DCAF6: variants seen among roughly 807,000 people sequenced by gnomAD.
DCAF6 encodes the protein DDB1- and CUL4-associated factor 6.
A neutral mutation model predicts 125.1 loss-of-function variants in DCAF6; 54 were observed. The ratio of observed to expected loss-of-function variants is 0.43; its 90% confidence interval spans 0.35 to 0.54. DCAF6 has a LOEUF of 0.54. Ranked by LOEUF, DCAF6 falls within the 20% of genes least tolerant of loss-of-function variation. DCAF6 has a pLI of 0.01. For missense variants in DCAF6, 934 were observed against 1,161.7 expected, an observed-to-expected ratio of 0.80 and a Z score of 2.85; for synonymous variants, 371 against 390.4, an observed-to-expected ratio of 0.95 and a Z score of 0.58.
At chr1:168,037,125 A>G (rs1321538107) in intron 12 of DCAF6, among the ~76,000 whole-genome samples, 2 of 121,980 alleles carry the variant, frequency 1.6e-5, no homozygotes, top group Admixed American at 1.8e-4. Context: ...TTTTTTTGAG[A>G]TGAGGTCTCA....
In DCAF6 at chr1:167,975,025, TATTATG is replaced by T; in HGVS notation, c.438+16_438+21del. On this transcript the variant is annotated intron_variant, in intron 4 of 21. Coordinates refer to ENST00000367840, the MANE Select transcript of DCAF6 (RefSeq NM_001198956.2). ...TGGAACTACTTATGAGGTATGGTAT[TATTATG>T]ATTATATGATATATATGTAAGTATG... 2 of 1,533,212 alleles carry T rather than the reference TATTATG, an allele frequency of 1.3e-6. No homozygotes were observed. The highest frequency in any genetic ancestry group is 4.0e-5 in the Admixed American group (2 of 50,354). The allele number at this position is 1,533,212 out of a possible 1,614,324, so 95.0% of individuals were successfully genotyped here.
intron 4 of DCAF6, among the ~76,000 whole-genome samples, chr1:167,976,785 T>C (rs541138507): frequency 6.6e-6 from 1 of 152,154 alleles, no homozygotes; most frequent in African/African-American, 2.4e-5. Flanking sequence ...TTTGTTTAGA[T>C]TTACCTGCAT....
chr1:167,987,679 A>C (rs1247167437), intron 5 of DCAF6, 71 bp downstream of exon 5: 4 of 771,340 alleles, frequency 5.2e-6, no homozygotes, highest in Non-Finnish European at 8.7e-6. Flanking sequence ...TTATAATTAA[A>C]GTTATAATTA....
the DCAF6 span, chr1:167,880,311 C>A: frequency 9.4e-7 from 1 of 1,066,550 alleles, no homozygotes; most frequent in Non-Finnish European, 1.4e-6. Flanking sequence ...TTTCTCTACC[C>A]GTTGGAATTA....
Position 167,984,666 on chromosome 1 carries a change from T to G in DCAF6, c.439-2829T>G, listed in dbSNP as rs142477093. Among the ~76,000 whole-genome samples the G allele has an allele frequency of 1.1e-3, 164 of 152,346 alleles. 2 individuals carry two copies. The East Asian group carries it at 0.026, about 24-fold the overall frequency. ...AATACTAATTACATTTTCACAAATA[T>G]GAAATGAGTAAAAATTCTCATTTTC... On this transcript the variant is annotated intron_variant, in intron 4 of 21. Transcript: ENST00000367840.
At chr1:167,866,744 T>C in the DCAF6 span, among the ~76,000 whole-genome samples, 25 of 126,812 alleles carry the variant, frequency 2.0e-4, no homozygotes, top group African/African-American at 8.8e-4. Flanking sequence ...ATAAAGAAAG[T>C]TCACTTAAAA....
At chr1:168,018,837 A>G (rs1035086697) in intron 11 of DCAF6, among the ~76,000 whole-genome samples, 2 of 152,108 alleles carry the variant, frequency 1.3e-5, no homozygotes, top group African/African-American at 4.8e-5. Flanking sequence ...TGGGAATTAG[A>G]TTGGCTGAAC....
chr1:167,970,251 A>C (rs2102859255), intron 3 of DCAF6, among the ~76,000 whole-genome samples: 1 of 152,376 alleles, frequency 6.6e-6, no homozygotes, highest in South Asian at 2.1e-4. Context: ...TAAAGAAATG[A>C]CGATCCCTTT....
At chr1:167,956,491 G>C (rs1005212740) in intron 2 of DCAF6, among the ~76,000 whole-genome samples, 2 of 151,708 alleles carry the variant, frequency 1.3e-5, no homozygotes, top group Admixed American at 6.6e-5. Context: ...TGTTAATTTT[G>C]TCTTCTCCAA....
chr1:167,987,458 T>G (rs771736321), intron 4 of DCAF6, 37 bp from the exon 5 acceptor site: 2 of 990,868 alleles, frequency 2.0e-6, no homozygotes, highest in Non-Finnish European at 3.2e-6. Context: ...TGTTTAAATG[T>G]TCGTATGATT....
chr1:167,955,888 G>A lies in DCAF6; in HGVS notation c.159+4027G>A, dbSNP rs144879741. 3.5e-3 allele frequency among the ~76,000 whole-genome samples: 526 copies of A among 152,140 alleles called. 5 individuals carry two copies. Among genetic ancestry groups the A allele is most frequent in the Non-Finnish European group, 2.9e-3 (197 of 67,978 alleles). ...CTATCTTCCCACCTCAGCCTCCTGA[G>A]TTAGCTGGGACCATAGGTGCATGCC... is the stretch of plus-strand genomic sequence containing the variant. On this transcript the variant is annotated intron_variant, in intron 2 of 21. Transcript: ENST00000367840.
At chr1:167,883,779 A>G in the DCAF6 span, 2 of 759,350 alleles carry the variant, frequency 2.6e-6, no homozygotes, top group South Asian at 2.9e-5. Context: ...CCTGAAGTGG[A>G]GCAGATGGAA....
At chr1:167,905,996 T>C in the DCAF6 span, among the ~76,000 whole-genome samples, 20 of 152,304 alleles carry the variant, frequency 1.3e-4, no homozygotes, top group South Asian at 1.0e-3. Context: ...GAATAGGTTA[T>C]ACAGAAAATA....
At chr1:167,880,564 G>T in the DCAF6 span, 2 of 1,614,076 alleles carry the variant, frequency 1.2e-6, no homozygotes, top group South Asian at 1.1e-5. Flanking sequence ...AGCTCGTCAG[G>T]TACCTTTTCC....
chr1:168,073,060 C>T (rs545602087), intron 21 of DCAF6, among the ~76,000 whole-genome samples: 2 of 152,232 alleles, frequency 1.3e-5, no homozygotes, highest in South Asian at 4.2e-4. Context: ...CCTGTAGTCC[C>T]AGCTACTCGG....
chr1:168,009,228 G>C (rs1286061381), intron 10 of DCAF6, among the ~76,000 whole-genome samples: 1 of 151,758 alleles, frequency 6.6e-6, no homozygotes, highest in Non-Finnish European at 1.5e-5. Flanking sequence ...TCAATCTCCT[G>C]ACCTTGTGAT....
At chr1:167,985,211 G>GTGTGTGGT (rs766572428) in intron 4 of DCAF6, among the ~76,000 whole-genome samples, 3 of 134,324 alleles carry the variant, frequency 2.2e-5, no homozygotes, top group Admixed American at 7.8e-5. Context: ...GTGTGTGTGT[G>GTGTGTGGT]GTGTGTGTGT....
At chr1:167,994,278 G>A (rs1451803779) in intron 7 of DCAF6, among the ~76,000 whole-genome samples, 2 of 152,014 alleles carry the variant, frequency 1.3e-5, no homozygotes, top group East Asian at 3.9e-4. Flanking sequence ...TCTTAACTTT[G>A]TAGATGTACA....
chr1:167,997,275 C>CTG (rs1681861936), intron 7 of DCAF6, among the ~76,000 whole-genome samples: 1 of 152,090 alleles, frequency 6.6e-6, no homozygotes, highest in Non-Finnish European at 1.5e-5. Context: ...TATAAAAATT[C>CTG]CTCTCTGTTG....
Sources: gnomAD v4.1 joint callset for allele counts (sites outside exome capture counted in the v4.1 genomes callset) on GRCh38, gnomAD v4.1.1 for gene constraint, MANE v1.5 for transcripts, NCBI Gene and HGNC (gene_info 2026-07-23, HGNC 2026-07-21) for gene names.